Variants in DCC observed in about 807,000 individuals in gnomAD.
DCC encodes DCC netrin 1 receptor.
In DCC, 58 loss-of-function variants were observed where a neutral mutation model predicts 172.5. That is an observed-to-expected ratio of 0.34 (90% CI 0.27 to 0.42). The LOEUF (loss-of-function observed/expected upper bound fraction) is 0.42, where lower values mean the gene tolerates loss of function less well. Ranked by LOEUF, DCC falls within the 10% of genes least tolerant of loss-of-function variation. DCC has a pLI of 1.00. For synonymous variants in DCC, 709 were observed against 644.5 expected, an observed-to-expected ratio of 1.10 and a Z score of -1.52; for missense variants, 1,740 against 1,791.0, an observed-to-expected ratio of 0.97 and a Z score of 0.51.
chr18:52,532,714 T>G (rs2032185917), intron 1 of DCC, among the ~76,000 whole-genome samples: 1 of 147,844 alleles, frequency 6.8e-6, no homozygotes, highest in South Asian at 2.1e-4. Flanking sequence ...CTATAAACTG[T>G]TTTTTTTTCT....
intron 9 of DCC, among the ~76,000 whole-genome samples, chr18:53,189,204 T>C (rs2055331552): frequency 6.6e-6 from 1 of 152,158 alleles, no homozygotes; most frequent in South Asian, 2.1e-4. Context: ...TATGTGTATA[T>C]GTGTAGATAT....
At chr18:52,438,066 T>C (rs931133591) in intron 1 of DCC, among the ~76,000 whole-genome samples, 3 of 152,170 alleles carry the variant, frequency 2.0e-5, no homozygotes, top group Admixed American at 1.3e-4. Flanking sequence ...GATTCACTGA[T>C]TAGATGCCAC....
chr18:53,194,302 A>C (rs2144519908), intron 9 of DCC, among the ~76,000 whole-genome samples: 1 of 152,224 alleles, frequency 6.6e-6, no homozygotes, highest in African/African-American at 2.4e-5. Context: ...TTTGTAGAGT[A>C]TGGAGATATA....
At chr18:52,550,971 G>C (rs1325963382) in intron 1 of DCC, among the ~76,000 whole-genome samples, 1 of 151,746 alleles carries the variant, frequency 6.6e-6, no homozygotes, top group Non-Finnish European at 1.5e-5. Flanking sequence ...GAATGCTAAT[G>C]ATAACCTGGA....
At chr18:52,346,404 T>A (rs1983881258) in intron 1 of DCC, among the ~76,000 whole-genome samples, 1 of 152,232 alleles carries the variant, frequency 6.6e-6, no homozygotes, top group Non-Finnish European at 1.5e-5. Flanking sequence ...GAAATACAGG[T>A]TGGCTGACTG....
chr18:53,531,683 T>C lies in DCC; in HGVS notation c.*1030T>C, dbSNP rs1310305531. On this transcript the variant is annotated 3_prime_UTR_variant, in exon 29 of 29. Coordinates refer to ENST00000442544, the MANE Select transcript of DCC (RefSeq NM_005215.4). ...TTCTAATCCCGTAGAAATGGCAGAC[T>C]CCCTGAGAGCAGGAAGAGAAGGAAA... 1 of 152,128 alleles carries C rather than the reference T, an allele frequency of 6.6e-6. No homozygotes were observed. The highest frequency in any genetic ancestry group is 1.5e-5 in the Non-Finnish European group (1 of 68,048). 9.4% of individuals were successfully genotyped at this position (152,128 alleles called of 1,614,324 possible).
At chr18:53,265,097 A>C (rs1474768600) in intron 12 of DCC, among the ~76,000 whole-genome samples, 4 of 152,136 alleles carry the variant, frequency 2.6e-5, no homozygotes, top group African/African-American at 9.7e-5. Flanking sequence ...AGCTAAGCAT[A>C]CTCCATGTCA....
chr18:53,240,794 C>T (rs568998472), intron 12 of DCC, among the ~76,000 whole-genome samples: 92 of 152,274 alleles, frequency 6.0e-4, no homozygotes, highest in African/African-American at 2.1e-3. Flanking sequence ...TATGGCTACA[C>T]TCACAAACTG....
chr18:52,730,180 C>T (rs1234669051), intron 1 of DCC, among the ~76,000 whole-genome samples: 2 of 152,082 alleles, frequency 1.3e-5, no homozygotes, highest in African/African-American at 4.8e-5. Context: ...TTTGCCCCTC[C>T]CACACCAGAG....
chr18:52,959,957 A>G (rs974156573), intron 5 of DCC, among the ~76,000 whole-genome samples: 3 of 152,118 alleles, frequency 2.0e-5, no homozygotes, highest in African/African-American at 4.8e-5. Context: ...TTGATTTTTT[A>G]TGTGTATACA....
At position 52,901,449 on chromosome 18, in the gene DCC, A is replaced by AAATG. The variant is rs556856286; in HGVS notation, c.413-4592_413-4591insGAAT. ...TCGGGCTCAAAATAAATAAATAAAT[A>AAATG]AATAAATAAAAATAACAATCATACT... is the stretch of plus-strand genomic sequence containing the variant. On this transcript the variant is annotated intron_variant, in intron 2 of 28. Coordinates refer to ENST00000442544, the MANE Select transcript of DCC (RefSeq NM_005215.4). Among the ~76,000 whole-genome samples the AAATG allele has an allele frequency of 3.3e-5, 5 of 152,274 alleles. No homozygotes were observed. The South Asian group carries it at 6.2e-4, about 19-fold the overall frequency.
At chr18:52,637,311 C>G (rs1665400171) in intron 1 of DCC, among the ~76,000 whole-genome samples, 1 of 151,978 alleles carries the variant, frequency 6.6e-6, no homozygotes, top group African/African-American at 2.4e-5. Context: ...GGATCCAAAC[C>G]AAGAAGAAAT....
rs2038756070 is a variant in DCC at position 52,838,756 on chromosome 18, T to C, written c.413-67288T>C. 2.6e-5 allele frequency among the ~76,000 whole-genome samples: 4 copies of C among 152,192 alleles called. No individual in the cohort carries two copies. In the South Asian group the frequency reaches 8.3e-4, roughly 32 times the overall value. On this transcript the variant is annotated intron_variant, in intron 2 of 28. Coordinates refer to ENST00000442544, the MANE Select transcript of DCC (RefSeq NM_005215.4). ...AATTATTTTTGGCTTTTATATTATTTTATAAATGGCCAATGAGCCAGGACA... is the reference window on the plus strand; with the variant it reads ...AATTATTTTTGGCTTTTATATTATTCTATAAATGGCCAATGAGCCAGGACA...
intron 1 of DCC, among the ~76,000 whole-genome samples, chr18:52,728,958 A>C (rs1253974424): frequency 6.6e-6 from 1 of 152,188 alleles, no homozygotes; most frequent in East Asian, 1.9e-4. Flanking sequence ...GGGCTCTGAA[A>C]ACAAATCAAA....
At chr18:52,442,881 T>A (rs1252909013) in intron 1 of DCC, among the ~76,000 whole-genome samples, 2 of 152,080 alleles carry the variant, frequency 1.3e-5, no homozygotes, top group Non-Finnish European at 2.9e-5. Flanking sequence ...GTCATGGGGA[T>A]CAGGGGTAAA....
intron 2 of DCC, among the ~76,000 whole-genome samples, chr18:52,808,350 C>T (rs1026517388): frequency 6.6e-6 from 1 of 150,780 alleles, no homozygotes; most frequent in Non-Finnish European, 1.5e-5. Flanking sequence ...TCATAGGTGA[C>T]ATACCAGTAG....
rs570776189 is a variant in DCC at position 53,268,698 on chromosome 18, C to T, written c.1912-36880C>T. On this transcript the variant is annotated intron_variant, in intron 12 of 28. Coordinates refer to ENST00000442544, the MANE Select transcript of DCC (RefSeq NM_005215.4). ...AATGGCAATGTTTTTATGGAGGAAT[C>T]GTGGTGCTGTCACGGTGATTTCAGA... is the stretch of plus-strand genomic sequence containing the variant. Among the ~76,000 whole-genome samples, 5 of 152,246 alleles carry T rather than the reference C, an allele frequency of 3.3e-5. No homozygotes were observed. The East Asian group carries it at 5.8e-4, about 18-fold the overall frequency.
rs146518745 is a variant in DCC at position 53,049,945 on chromosome 18, C to T, written c.986-13360C>T. On this transcript the variant is annotated intron_variant, in intron 5 of 28. Transcript: ENST00000442544. ...CAAGGAAACCAGCAGTGGCTCATTCCGAGTCCAGAAACCTCAAAAGTAGGG... is the reference window on the plus strand; with the variant it reads ...CAAGGAAACCAGCAGTGGCTCATTCTGAGTCCAGAAACCTCAAAAGTAGGG... Among the ~76,000 whole-genome samples the T allele has an allele frequency of 7.3e-3, 1,107 of 152,162 alleles. 10 individuals are homozygous for T. The highest frequency in any genetic ancestry group is 0.026 in the African/African-American group (1,059 of 41,524).
At chr18:52,955,655 A>C (rs968791874) in intron 5 of DCC, among the ~76,000 whole-genome samples, 1 of 152,154 alleles carries the variant, frequency 6.6e-6, no homozygotes, top group Non-Finnish European at 1.5e-5. Context: ...ACCATTTTGC[A>C]TTCCCACCAA....
Sources: gnomAD v4.1 joint callset for allele counts (sites outside exome capture counted in the v4.1 genomes callset) on GRCh38, gnomAD v4.1.1 for gene constraint, MANE v1.5 for transcripts, NCBI Gene and HGNC (gene_info 2026-07-23, HGNC 2026-07-21) for gene names.